The following ZNF729 variants were observed in gnomAD, a reference collection of about 807,000 sequenced individuals.
ZNF729 encodes zinc finger protein 729.
In ZNF729, 15 loss-of-function variants were observed where a neutral mutation model predicts 12.2. The observed-to-expected ratio is 1.23, with a 90% CI of 0.82 to 1.89. The LOEUF (loss-of-function observed/expected upper bound fraction) is 1.89, where lower values mean the gene tolerates loss of function less well. Ranked by LOEUF, ZNF729 falls within the 40% of genes most tolerant of loss-of-function variation. The pLI, the probability that ZNF729 is intolerant of heterozygous loss-of-function variation, is 0.00. For synonymous variants in ZNF729, 492 were observed against 476.3 expected (o/e 1.03, Z -0.43); for missense variants, 1,540 against 1,456.7 (o/e 1.06, Z -0.93).
At chr19:22,295,979 C>T (rs977413637) in intron 1 of ZNF729, among the ~76,000 whole-genome samples, 2 of 152,154 alleles carry the variant, frequency 1.3e-5, no homozygotes, top group Non-Finnish European at 2.9e-5. Context: ...ATAAAGCCTA[C>T]TTGATCATAG....
intron 1 of ZNF729, among the ~76,000 whole-genome samples, chr19:22,293,783 G>A (rs1040120547): frequency 1.3e-5 from 2 of 152,036 alleles, no homozygotes; most frequent in Admixed American, 6.6e-5. Flanking sequence ...CATAAGCCAC[G>A]GAGCCCAGCC....
At chr19:22,301,778 G>C (rs1266783325) in intron 1 of ZNF729, among the ~76,000 whole-genome samples, 2 of 152,306 alleles carry the variant, frequency 1.3e-5, no homozygotes, top group African/African-American at 4.8e-5. Flanking sequence ...CAAGGCCACA[G>C]AGTAACCAGA....
In ZNF729 at chr19:22,315,987, G is replaced by A; in HGVS notation, c.2570G>A (p.Cys857Tyr). Reference protein sequence around the residue: ...TGKKPYKCEECGKAFSQSSSL... With the variant: ...TGKKPYKCEEYGKAFSQSSSL... ...AAGAAACCCTACAAATGTGAAGAAT[G>A]TGGCAAAGCTTTTAGCCAATCCTCA... is the stretch of plus-strand genomic sequence containing the variant. Residue 857 changes from cysteine to tyrosine, a missense_variant, in exon 4 of 4, where the codon TGT (cysteine) becomes TAT (tyrosine). Physicochemically the swap from Cys to Tyr is radical, Grantham distance 194. Transcript: ENST00000601693. The A allele has an allele frequency of 2.5e-6, 4 of 1,611,294 alleles. No homozygotes were observed. The highest frequency in any genetic ancestry group is 2.5e-6 in the Non-Finnish European group (3 of 1,179,778).
chr19:22,301,612 C>T (rs1447105547), intron 1 of ZNF729, among the ~76,000 whole-genome samples: 1 of 152,304 alleles, frequency 6.6e-6, no homozygotes, highest in Non-Finnish European at 1.5e-5. Flanking sequence ...GAGATGTCAA[C>T]GTAGAGATCT....
intron 1 of ZNF729, among the ~76,000 whole-genome samples, chr19:22,291,263 C>T (rs1464182735): frequency 6.6e-6 from 1 of 152,180 alleles, no homozygotes. Flanking sequence ...GGCCATCACA[C>T]TGCCCATTAT....
Position 22,316,088 on chromosome 19 carries a change from T to G in ZNF729, c.2671T>G (p.Trp891Gly), listed in dbSNP as rs528916394. ...TGAAGAATGTGGTAAAGCTTTTAAG[T>G]GGTTGTCAAAACTTACTGTACATAA... ...KCEECGKAFK[W>G]LSKLTVHKVI... The change falls in exon 4 of 4, where the codon TGG becomes GGG. Residue 891 changes from tryptophan (W) to glycine (G), a missense_variant. Coordinates refer to ENST00000601693, the MANE Select transcript of ZNF729 (RefSeq NM_001242680.2). 3.1e-6 allele frequency: 5 copies of G among 1,608,990 alleles called. No individual in the cohort carries two copies. In the African/African-American group the frequency reaches 4.0e-5, roughly 13 times the overall value.
chr19:22,291,720 G>A (rs568129380), intron 1 of ZNF729, among the ~76,000 whole-genome samples: 5 of 151,914 alleles, frequency 3.3e-5, no homozygotes, highest in Non-Finnish European at 7.4e-5. Flanking sequence ...AACCCATAAA[G>A]TTCTTTTATG....
intron 1 of ZNF729, among the ~76,000 whole-genome samples, chr19:22,293,217 A>G (rs755766318): frequency 2.0e-5 from 3 of 151,854 alleles, no homozygotes; most frequent in Non-Finnish European, 2.9e-5. Context: ...ACGAAGTCTC[A>G]CTCTGTCGCC....
At chr19:22,302,810 T>TG (rs1968330397) in intron 1 of ZNF729, among the ~76,000 whole-genome samples, 1 of 152,274 alleles carries the variant, frequency 6.6e-6, no homozygotes, top group Non-Finnish European at 1.5e-5. Flanking sequence ...GAGTTTTGGC[T>TG]GGGGAATCCT....
intron 1 of ZNF729, among the ~76,000 whole-genome samples, chr19:22,292,736 T>C (rs1968171904): frequency 6.6e-6 from 1 of 152,144 alleles, no homozygotes; most frequent in African/African-American, 2.4e-5. Flanking sequence ...CCACCACACC[T>C]TATCATACCA....
intron 3 of ZNF729, among the ~76,000 whole-genome samples, chr19:22,311,783 G>C (rs1334011391): frequency 6.6e-6 from 1 of 152,176 alleles, no homozygotes; most frequent in Non-Finnish European, 1.5e-5. Context: ...AGTGCTGTCA[G>C]TAGAGTATTG....
At chr19:22,287,847 C>CT (rs1968101143) in intron 1 of ZNF729, among the ~76,000 whole-genome samples, 3 of 147,108 alleles carry the variant, frequency 2.0e-5, no homozygotes, top group Non-Finnish European at 4.5e-5. Context: ...TACTATTTGT[C>CT]CTTTTTTTTT....
rs781654881 is a variant in ZNF729, at chr19:22,315,676, A to C, written c.2259A>C (p.Ser753=). The C allele has an allele frequency of 3.7e-6, 6 of 1,607,556 alleles. No homozygotes were observed. In the African/African-American group the frequency reaches 8.0e-5, roughly 21 times the overall value. Residue 753 remains serine, a synonymous_variant, in exon 4 of 4, where the codon TCA becomes TCC. Transcript: ENST00000601693. ...EECGKSFKHF[S]ALRKHKVIHT... is the part of the protein sequence containing the mutation. Reference sequence around the variant, plus strand: ...GTGGCAAATCTTTTAAGCATTTCTCAGCCCTTAGAAAACATAAGGTAATTC... The same window carrying C: ...GTGGCAAATCTTTTAAGCATTTCTCCGCCCTTAGAAAACATAAGGTAATTC...
intron 1 of ZNF729, among the ~76,000 whole-genome samples, chr19:22,291,745 T>C (rs1243465571): frequency 6.6e-6 from 1 of 152,246 alleles, no homozygotes; most frequent in African/African-American, 2.4e-5. Flanking sequence ...GTTTTTGTTT[T>C]TGTTTTTGAG....
chr19:22,303,929 T>C (rs746152716), intron 2 of ZNF729, 45 bp downstream of exon 2: 4 of 1,504,084 alleles, frequency 2.7e-6, no homozygotes, highest in South Asian at 2.3e-5. Context: ...ATTCTATAGG[T>C]TTAATTTCTC....
intron 3 of ZNF729, among the ~76,000 whole-genome samples, chr19:22,306,188 T>C (rs112485492): frequency 0.025 from 3,802 of 152,166 alleles, 155 homozygotes; most frequent in African/African-American, 0.087. Context: ...TGCCTGTAAT[T>C]CCAGCACTTT....
chr19:22,304,417 A>G (rs1201486771), intron 2 of ZNF729, among the ~76,000 whole-genome samples: 1 of 152,138 alleles, frequency 6.6e-6, no homozygotes, highest in Admixed American at 6.5e-5. Context: ...TTCACTCTAG[A>G]TTAGTGGAAA....
rs761974761 is a variant in ZNF729, at chr19:22,286,503, G to A, written c.-23G>A. On this transcript the variant is annotated 5_prime_UTR_variant, in exon 1 of 4. Transcript: ENST00000601693. Reference sequence around the variant, plus strand: ...AGCCTCTGTGGCCCTGTAACCTGCGGCATTGGAAGATCCACAGCTAACATG... The same window carrying A: ...AGCCTCTGTGGCCCTGTAACCTGCGACATTGGAAGATCCACAGCTAACATG... The A allele has an allele frequency of 1.9e-5, 31 of 1,613,142 alleles. No homozygotes were observed. Among genetic ancestry groups the A allele is most frequent in the Non-Finnish European group, 2.6e-5 (31 of 1,179,940 alleles).
At chr19:22,311,765 A>G (rs1388229575) in intron 3 of ZNF729, among the ~76,000 whole-genome samples, 1 of 152,162 alleles carries the variant, frequency 6.6e-6, no homozygotes, top group Non-Finnish European at 1.5e-5. Flanking sequence ...TGTCTTGATG[A>G]CCTGTCTAGT....
Sources: allele counts gnomAD v4.1 joint callset (sites outside exome capture counted in the v4.1 genomes callset), GRCh38; gene constraint gnomAD v4.1.1; transcripts MANE v1.5; gene names NCBI Gene and HGNC (gene_info 2026-07-23, HGNC 2026-07-21).